Variants in INO80 observed in about 807,000 individuals in gnomAD.
The protein encoded by INO80 is INO80 complex ATPase subunit, also known as chromatin-remodeling ATPase INO80.
A neutral mutation model predicts 203.4 loss-of-function variants in INO80; 20 were observed. The observed-to-expected ratio is 0.10, with a 90% confidence interval of 0.07 to 0.14. The LOEUF is 0.14. Ranked by LOEUF, INO80 falls within the 10% of genes least tolerant of loss-of-function variation. The pLI is 1.00. For missense variants in INO80, 1,419 were observed against 1,914.4 expected, an observed-to-expected ratio of 0.74 and a Z score of 4.83; for synonymous variants, 726 against 685.2, an observed-to-expected ratio of 1.06 and a Z score of -0.93.
chr15:41,035,715 G>C (rs939136966), intron 24 of INO80, among the ~76,000 whole-genome samples: 8 of 149,694 alleles, frequency 5.3e-5, no homozygotes, highest in Non-Finnish European at 1.0e-4. Context: ...CCAGCTACTC[G>C]GGAGGCTGAC....
chr15:41,066,607 T>C lies in INO80; in HGVS notation c.1782+2963A>G, dbSNP rs185239732. On this transcript the variant is annotated intron_variant, in intron 14 of 35. Coordinates refer to ENST00000648947, the MANE Select transcript of INO80 (RefSeq NM_017553.3). ...ACTTTAAGAGGCCAAGGTGGGATGA[T>C]TGTGTGAGGCCAGGAGTTAGAGACC... 9.6e-4 allele frequency among the ~76,000 whole-genome samples: 145 copies of C among 151,200 alleles called. 2 individuals carry two copies. In the East Asian group the frequency reaches 0.024, roughly 25 times the overall value.
chr15:41,016,231 G>C lies in INO80; in HGVS notation c.3275-16C>G. On this transcript the variant is annotated splice_polypyrimidine_tract_variant and intron_variant, in intron 26 of 35. Coordinates refer to ENST00000648947, the MANE Select transcript of INO80 (RefSeq NM_017553.3). ...CTCTCCTTGCCTGGGGAGAAGAAAA[G>C]GGGGTGAGGGGGAACTGTATTTAAT... 6.2e-7 allele frequency: 1 copy of C among 1,611,704 alleles called. No individual in the cohort carries two copies. Among genetic ancestry groups the C allele is most frequent in the Non-Finnish European group, 8.5e-7 (1 of 1,178,938 alleles).
At chr15:41,012,745 C>T (rs143265842) in intron 27 of INO80, among the ~76,000 whole-genome samples, 518 of 152,032 alleles carry the variant, frequency 3.4e-3, no homozygotes, top group Non-Finnish European at 6.0e-3. Flanking sequence ...TCTTAGTGCC[C>T]ATTTGTTACA....
At chr15:41,010,944 C>T (rs1013276282) in intron 27 of INO80, among the ~76,000 whole-genome samples, 1 of 152,184 alleles carries the variant, frequency 6.6e-6, no homozygotes, top group South Asian at 2.1e-4. Context: ...TACTCTATTA[C>T]AATTTTTCTG....
At chr15:40,983,213 T>A (rs1306018049) in intron 34 of INO80, 136 bp from the exon 35 acceptor site, 2 of 636,026 alleles carry the variant, frequency 3.1e-6, no homozygotes, top group Non-Finnish European at 5.4e-6. Flanking sequence ...GGTCTATGTC[T>A]CCACTTAATG....
intron 18 of INO80, among the ~76,000 whole-genome samples, 190 bp from the exon 19 acceptor site, chr15:41,054,204 A>C (rs1250195146): frequency 6.6e-6 from 1 of 152,228 alleles, no homozygotes. Context: ...ATCTTGCTAT[A>C]GTCAACAGGA....
Position 41,079,961 on chromosome 15 carries a change from C to A in INO80, c.928-57G>T, listed in dbSNP as rs898933626. On this transcript the variant is annotated intron_variant, in intron 8 of 35. Coordinates refer to ENST00000648947, the MANE Select transcript of INO80 (RefSeq NM_017553.3). ...GACCCCATACCAGAAGCTGGTTCTT[C>A]CTGGACTCTAAACCACATCATTCCT... 5.5e-6 allele frequency: 8 copies of A among 1,457,978 alleles called. No individual in the cohort carries two copies. In the African/African-American group the frequency reaches 9.8e-5, roughly 18 times the overall value. 90.3% of individuals were successfully genotyped at this position (1,457,978 alleles called of 1,614,324 possible). A position where few individuals can be genotyped will look rare whatever the true frequency, so the allele number is the denominator to read the frequency against.
At chr15:41,031,958 CACAGG>C (rs764095524) in intron 24 of INO80, among the ~76,000 whole-genome samples, 1,252 of 65,864 alleles carry the variant, frequency 0.019, 87 homozygotes, top group South Asian at 0.028. Context: ...CACAGCACAG[CACAGG>C]ACAGCACAGC....
In INO80 at chr15:40,983,800, G is replaced by A. The variant is rs1453395080; in HGVS notation, c.4199C>T (p.Pro1400Leu). ...TGAGACGGAGCCTGTTATGGATGCGGGAGAGTTGGTAGCTCGAGACTGAGG... is the reference window on the plus strand; with the variant it reads ...TGAGACGGAGCCTGTTATGGATGCGAGAGAGTTGGTAGCTCGAGACTGAGG... ...SAPQSRATNS[P>L]ASITGSVSDT... is the part of the protein sequence containing the mutation. Residue 1400 changes from proline (P) to leucine (L), a missense_variant, in exon 34 of 36, where the codon CCC becomes CTC. By Grantham distance (98) the Pro-to-Leu change is moderately conservative. Coordinates refer to ENST00000648947, the MANE Select transcript of INO80 (RefSeq NM_017553.3). The A allele has an allele frequency of 6.2e-7, 1 of 1,612,680 alleles. No homozygotes were observed. Among genetic ancestry groups the A allele is most frequent in the Non-Finnish European group, 8.5e-7 (1 of 1,180,024 alleles).
At position 41,099,664 on chromosome 15, in the gene INO80, C is replaced by T. The variant is rs2045779116; in HGVS notation, c.-43-3311G>A. Among the ~76,000 whole-genome samples, 10 of 151,672 alleles carry T rather than the reference C, an allele frequency of 6.6e-5. No homozygotes were observed. The South Asian group carries it at 2.1e-3, about 32-fold the overall frequency. ...GAGTGTAGTGGCATGCACCTGTAAA[C>T]CCAGCCACTTGGGAGGCTGAGGAGG... On this transcript the variant is annotated intron_variant, in intron 1 of 35. Coordinates refer to ENST00000648947, the MANE Select transcript of INO80 (RefSeq NM_017553.3).
rs1044034022 is a variant in INO80, at chr15:41,116,242, G to C, written c.-313C>G. ...CACTCACTGAGAGGAGCGGAGCAGG[G>C]ACACGGGGAGCCATGGCGGGGGGGA... On this transcript the variant is annotated 5_prime_UTR_variant, in exon 1 of 36. Transcript: ENST00000648947. 1 of 401,176 alleles carries C rather than the reference G, an allele frequency of 2.5e-6. No individual in the cohort carries two copies. The highest frequency in any genetic ancestry group is 4.4e-6 in the Non-Finnish European group (1 of 228,316). The allele number at this position is 401,176 out of a possible 1,614,324, so 24.9% of individuals were successfully genotyped here. A position where few individuals can be genotyped will look rare whatever the true frequency, so the allele number is the denominator to read the frequency against.
In INO80 at chr15:40,983,941, G is replaced by A. The variant is rs549022330; in HGVS notation, c.4078-20C>T. 3 of 1,611,880 alleles carry A rather than the reference G, an allele frequency of 1.9e-6. No homozygotes were observed. The highest frequency in any genetic ancestry group is 2.5e-6 in the Non-Finnish European group (3 of 1,178,898). On this transcript the variant is annotated intron_variant, in intron 33 of 35. Coordinates refer to ENST00000648947, the MANE Select transcript of INO80 (RefSeq NM_017553.3). ...GGAGATCTAGAAGAGGAAGGGTTAA[G>A]ATCATTACGACCCCCTGTGCTCACC...
In INO80 at chr15:41,060,812, A is replaced by T. The variant is rs1052315679; in HGVS notation, c.1783-886T>A. Among the ~76,000 whole-genome samples the T allele has an allele frequency of 9.2e-5, 14 of 152,308 alleles. 1 individual carries two copies. The highest frequency in any genetic ancestry group is 8.5e-4 in the Admixed American group (13 of 15,302). On this transcript the variant is annotated intron_variant, in intron 14 of 35. Coordinates refer to ENST00000648947, the MANE Select transcript of INO80 (RefSeq NM_017553.3). Reference sequence around the variant, plus strand: ...CCCCACCAACCCCCAAATAATTACTAGTGGCAAAAAAACACATAAATCCTC... The same window carrying T: ...CCCCACCAACCCCCAAATAATTACTTGTGGCAAAAAAACACATAAATCCTC...
intron 1 of INO80, among the ~76,000 whole-genome samples, chr15:41,106,985 C>T (rs895053334): frequency 1.3e-5 from 2 of 152,180 alleles, no homozygotes; most frequent in South Asian, 2.1e-4. Flanking sequence ...TCTGCCCCTT[C>T]GGAATGTAAC....
intron 14 of INO80, among the ~76,000 whole-genome samples, chr15:41,064,553 G>T (rs985629491): frequency 6.6e-6 from 1 of 152,104 alleles, no homozygotes; most frequent in Non-Finnish European, 1.5e-5. Context: ...GGAAGTTAGA[G>T]ATTATGATGA....
chr15:41,019,224 G>C (rs2044253168), intron 26 of INO80, among the ~76,000 whole-genome samples: 1 of 152,174 alleles, frequency 6.6e-6, no homozygotes, highest in African/African-American at 2.4e-5. Context: ...AAGGAATATG[G>C]AAGCAACCCT....
Position 41,016,179 on chromosome 15 carries a change from T to A in INO80, c.3311A>T (p.Tyr1104Phe), listed in dbSNP as rs753599766. ...CCGAGTCAGCAGGACATCAAGGGCA[T>A]ACAGCTTTCCACTGTCAGTGATGAG... ...ESLITDSGKL[Y>F]ALDVLLTRLK... The change falls in exon 27 of 36, where the codon TAT (tyrosine) becomes TTT (phenylalanine). Residue 1104 changes from tyrosine (Y) to phenylalanine (F), a missense_variant. By Grantham distance (22) the Tyr-to-Phe change is conservative (BLOSUM62 3). Transcript: ENST00000648947. 6.2e-7 allele frequency: 1 copy of A among 1,613,928 alleles called. No individual in the cohort carries two copies. Among genetic ancestry groups the A allele is most frequent in the Admixed American group, 1.7e-5 (1 of 60,002 alleles).
At chr15:40,995,912 C>T (rs777264643) in intron 29 of INO80, among the ~76,000 whole-genome samples, 9 of 152,214 alleles carry the variant, frequency 5.9e-5, no homozygotes, top group Non-Finnish European at 1.2e-4. Context: ...TGTACAGCTA[C>T]CCAGCAATGC....
intron 28 of INO80, among the ~76,000 whole-genome samples, chr15:41,001,010 G>A (rs561099182): frequency 2.0e-4 from 31 of 152,204 alleles, no homozygotes; most frequent in Middle Eastern, 3.4e-3. Context: ...GACACCTTGG[G>A]TTCTTATAAT....
Sources: gnomAD v4.1 joint callset for allele counts (sites outside exome capture counted in the v4.1 genomes callset) on GRCh38, gnomAD v4.1.1 for gene constraint, MANE v1.5 for transcripts, NCBI Gene and HGNC (gene_info 2026-07-23, HGNC 2026-07-21) for gene names.